BBS9: variants seen among roughly 807,000 people sequenced by gnomAD.
BBS9 encodes the protein protein PTHB1.
In BBS9, 89 loss-of-function variants were observed where a neutral mutation model predicts 117.7. The ratio of observed to expected loss-of-function variants is 0.76; its 90% confidence interval spans 0.64 to 0.90. The LOEUF (loss-of-function observed/expected upper bound fraction) is 0.90, where lower values mean the gene tolerates loss of function less well. Ranked by LOEUF, BBS9 falls within the 40% of genes least tolerant of loss-of-function variation. BBS9 has a pLI of 0.00. For synonymous variants in BBS9, 379 were observed against 370.9 expected, an observed-to-expected ratio of 1.02 and a Z score of -0.25; for missense variants, 982 against 1,042.2, an observed-to-expected ratio of 0.94 and a Z score of 0.80.
intron 12 of BBS9, among the ~76,000 whole-genome samples, chr7:33,348,203 G>C (rs1817955001): frequency 6.6e-6 from 1 of 152,014 alleles, no homozygotes; most frequent in Non-Finnish European, 1.5e-5. Context: ...TTTCTCTATA[G>C]ATTGCCTATT....
In BBS9 at chr7:33,152,727, G is replaced by A; in HGVS notation, c.139G>A (p.Gly47Arg). The change falls in exon 3 of 23, where the codon GGA (glycine) becomes AGA (arginine). Residue 47 changes from glycine to arginine, a missense_variant. Coordinates refer to ENST00000242067, the MANE Select transcript of BBS9 (RefSeq NM_198428.3). ...TAAAATAATTGTGGGTAGCTTTATGGGATACCTAAGGATCTTTAGCCCCCA... is the reference window on the plus strand; with the variant it reads ...TAAAATAATTGTGGGTAGCTTTATGAGATACCTAAGGATCTTTAGCCCCCA... The part of the protein sequence containing the change: ...QDKIIVGSFM[G>R]YLRIFSPHPA... 6.2e-7 allele frequency: 1 copy of A among 1,612,790 alleles called. No homozygotes were observed. Among genetic ancestry groups the A allele is most frequent in the Non-Finnish European group, 8.5e-7 (1 of 1,179,594 alleles).
At chr7:33,197,427 C>T (rs1420038457) in intron 5 of BBS9, among the ~76,000 whole-genome samples, 1 of 152,006 alleles carries the variant, frequency 6.6e-6, no homozygotes, top group Non-Finnish European at 1.5e-5. Context: ...GAGAAATGAA[C>T]AATCTGCCCT....
intron 19 of BBS9, among the ~76,000 whole-genome samples, chr7:33,479,840 A>G (rs988758591): frequency 6.6e-6 from 1 of 151,862 alleles, no homozygotes; most frequent in African/African-American, 2.4e-5. Flanking sequence ...GTGTTTTTTT[A>G]TATATTTGTT....
intron 5 of BBS9, among the ~76,000 whole-genome samples, chr7:33,238,780 A>G (rs147051625): frequency 0.01 from 1,573 of 152,236 alleles, 19 homozygotes; most frequent in South Asian, 0.013. Flanking sequence ...TATTGTATTT[A>G]TTAATTTAAA....
Position 33,450,263 on chromosome 7 carries a change from TTA to T in BBS9, c.2116-55198_2116-55197del, listed in dbSNP as rs548635317. On this transcript the variant is annotated intron_variant, in intron 19 of 22. Transcript: ENST00000242067. The stretch of plus-strand genomic sequence containing the variant: ...ATATATATGCCATACCCTAGTTTCT[TTA>T]TTCATCTTTGGATGGACATTTATGT... Among the ~76,000 whole-genome samples, 212 of 152,338 alleles carry T rather than the reference TTA, an allele frequency of 1.4e-3. 1 individual carries two copies. Among genetic ancestry groups the T allele is most frequent in the African/African-American group, 4.9e-3 (204 of 41,580 alleles).
At chr7:33,315,610 A>T (rs1810320582) in intron 9 of BBS9, among the ~76,000 whole-genome samples, 1 of 152,116 alleles carries the variant, frequency 6.6e-6, no homozygotes, top group Non-Finnish European at 1.5e-5. Context: ...GATAAAGAGA[A>T]ATGGGGAGGA....
At chr7:33,243,459 A>G (rs1283151134) in intron 5 of BBS9, among the ~76,000 whole-genome samples, 1 of 152,202 alleles carries the variant, frequency 6.6e-6, no homozygotes, top group Non-Finnish European at 1.5e-5. Context: ...TCCAATTAAT[A>G]TTGGGAAGAT....
At chr7:33,170,715 G>A (rs1211557953) in intron 4 of BBS9, among the ~76,000 whole-genome samples, 1 of 147,590 alleles carries the variant, frequency 6.8e-6, no homozygotes, top group African/African-American at 2.5e-5. Flanking sequence ...CATTGTCTCA[G>A]CCCAAAATCT....
intron 19 of BBS9, among the ~76,000 whole-genome samples, chr7:33,487,213 G>A (rs1452897390): frequency 6.6e-6 from 1 of 152,112 alleles, no homozygotes; most frequent in East Asian, 1.9e-4. Flanking sequence ...ATTGTAATTC[G>A]TTGGTTTCTC....
At chr7:33,466,748 A>G (rs1314219098) in intron 19 of BBS9, among the ~76,000 whole-genome samples, 1 of 152,156 alleles carries the variant, frequency 6.6e-6, no homozygotes, top group African/African-American at 2.4e-5. Flanking sequence ...GTCATTTTGT[A>G]ACCAGTAAAG....
At chr7:33,326,876 A>T (rs542130201) in intron 9 of BBS9, among the ~76,000 whole-genome samples, 1 of 150,858 alleles carries the variant, frequency 6.6e-6, no homozygotes, top group East Asian at 2.0e-4. Context: ...AGTACTCTTT[A>T]CTCTCCTCTC....
intron 21 of BBS9, among the ~76,000 whole-genome samples, chr7:33,576,824 A>T (rs908054996): frequency 4.6e-5 from 7 of 151,876 alleles, no homozygotes; most frequent in South Asian, 2.1e-4. Flanking sequence ...CCCTATTTAA[A>T]TGGTGCTGGG....
intron 9 of BBS9, among the ~76,000 whole-genome samples, chr7:33,294,235 C>A (rs1407182344): frequency 6.6e-6 from 1 of 151,968 alleles, no homozygotes; most frequent in Non-Finnish European, 1.5e-5. Flanking sequence ...GCAACCCTCC[C>A]CCCCATATGC....
chr7:33,393,083 T>C (rs1827333137), intron 19 of BBS9, among the ~76,000 whole-genome samples: 1 of 152,152 alleles, frequency 6.6e-6, no homozygotes, highest in African/African-American at 2.4e-5. Flanking sequence ...GGAGGATTGC[T>C]TTAGCCCGGG....
At chr7:33,298,524 T>C (rs1167235428) in intron 9 of BBS9, among the ~76,000 whole-genome samples, 1 of 152,164 alleles carries the variant, frequency 6.6e-6, no homozygotes, top group Non-Finnish European at 1.5e-5. Flanking sequence ...ATAAATACAG[T>C]TATTGAATTA....
chr7:33,336,398 CT>C (rs1302582811), intron 9 of BBS9, 42 bp from the exon 10 acceptor site: 7 of 1,539,732 alleles, frequency 4.5e-6, no homozygotes, highest in Non-Finnish European at 5.4e-6. Flanking sequence ...ACTAACTCTA[CT>C]GAAATTTAAA....
chr7:33,430,816 G>T (rs1174922378), intron 19 of BBS9, among the ~76,000 whole-genome samples: 1 of 152,158 alleles, frequency 6.6e-6, no homozygotes, highest in Non-Finnish European at 1.5e-5. Flanking sequence ...TTGGCTGTTT[G>T]CACACTTGGG....
intron 18 of BBS9, among the ~76,000 whole-genome samples, chr7:33,384,715 T>TGTGAGAGAGA (rs370625971): frequency 0.011 from 1,641 of 144,764 alleles, 15 homozygotes; most frequent in Non-Finnish European, 0.018. Flanking sequence ...TGTGTGTGTG[T>TGTGAGAGAGA]GAGAGAGAGA....
At chr7:33,538,749 G>A (rs1344680920) in intron 21 of BBS9, among the ~76,000 whole-genome samples, 1 of 148,330 alleles carries the variant, frequency 6.7e-6, no homozygotes, top group Non-Finnish European at 1.5e-5. Context: ...TTCCTACAGA[G>A]AATACAATAC....
Sources: gnomAD v4.1 joint callset for allele counts (sites outside exome capture counted in the v4.1 genomes callset) on GRCh38, gnomAD v4.1.1 for gene constraint, MANE v1.5 for transcripts, NCBI Gene and HGNC (gene_info 2026-07-23, HGNC 2026-07-21) for gene names.